NLGN1: variants seen among roughly 807,000 people sequenced by gnomAD.
NLGN1 encodes neuroligin 1.
A neutral mutation model predicts 65.5 loss-of-function variants in NLGN1; 12 were observed. The ratio of observed to expected loss-of-function variants is 0.18; its 90% CI spans 0.12 to 0.30. The LOEUF (loss-of-function observed/expected upper bound fraction) is 0.30, where lower values mean the gene tolerates loss of function less well. NLGN1 is among the 10% of genes least tolerant of loss of function. The pLI, the probability that NLGN1 is intolerant of heterozygous loss-of-function variation, is 1.00. For missense variants in NLGN1, 750 were observed against 1,007.1 expected (o/e 0.74, Z 3.46); for synonymous variants, 350 against 359.5 (o/e 0.97, Z 0.30).
intron 1 of NLGN1, among the ~76,000 whole-genome samples, chr3:173,434,543 C>G (rs953505308): frequency 1.3e-5 from 2 of 152,132 alleles, no homozygotes; most frequent in African/African-American, 2.4e-5. Flanking sequence ...TATCATTATT[C>G]AGGGAATACA....
chr3:173,932,839 T>C (rs1219352253), intron 4 of NLGN1, among the ~76,000 whole-genome samples: 4 of 152,144 alleles, frequency 2.6e-5, no homozygotes, highest in Non-Finnish European at 5.9e-5. Context: ...CAGTTAGATG[T>C]GACTCATCCC....
intron 3 of NLGN1, among the ~76,000 whole-genome samples, chr3:173,654,844 G>T (rs1005830222): frequency 1.3e-5 from 2 of 152,114 alleles, no homozygotes; most frequent in African/African-American, 2.4e-5. Context: ...TTGCATAGGA[G>T]GAAAAGAATT....
intron 4 of NLGN1, among the ~76,000 whole-genome samples, chr3:174,245,619 C>T (rs1298326150): frequency 1.3e-5 from 2 of 152,110 alleles, no homozygotes; most frequent in African/African-American, 4.8e-5. Flanking sequence ...AAAATTATCT[C>T]TACAAAGACT....
chr3:173,518,752 T>C (rs927937176), intron 2 of NLGN1, among the ~76,000 whole-genome samples: 1 of 152,044 alleles, frequency 6.6e-6, no homozygotes, highest in Non-Finnish European at 1.5e-5. Context: ...AAGCAGAGTG[T>C]AAAACTTTGA....
chr3:174,002,139 T>C (rs1229107070), intron 4 of NLGN1, among the ~76,000 whole-genome samples: 2 of 152,016 alleles, frequency 1.3e-5, no homozygotes, highest in Admixed American at 1.3e-4. Context: ...AGTATTTTTT[T>C]AATTTTGAGA....
chr3:174,272,356 C>T (rs1749559477), intron 4 of NLGN1, among the ~76,000 whole-genome samples: 1 of 151,674 alleles, frequency 6.6e-6, no homozygotes, highest in Admixed American at 6.6e-5. Context: ...GTATAGAATG[C>T]TGTCAATGTA....
At chr3:173,670,647 G>A (rs1020310324) in intron 3 of NLGN1, among the ~76,000 whole-genome samples, 3 of 152,086 alleles carry the variant, frequency 2.0e-5, no homozygotes, top group Admixed American at 6.5e-5. Context: ...GAACTAATGC[G>A]TGGTTCAGAA....
intron 4 of NLGN1, among the ~76,000 whole-genome samples, chr3:174,006,630 A>C (rs1724459403): frequency 1.3e-5 from 2 of 152,146 alleles, no homozygotes; most frequent in South Asian, 2.1e-4. Context: ...AATAGACCTC[A>C]ATTGTGGACA....
In NLGN1 at chr3:173,887,203, CT is replaced by C. The variant is rs374438156; in HGVS notation, c.646+79372del. 1.3e-3 allele frequency among the ~76,000 whole-genome samples: 196 copies of C among 152,114 alleles called. 1 individual carries two copies. The South Asian group carries it at 0.021, about 16-fold the overall frequency. On this transcript the variant is annotated intron_variant, in intron 4 of 6. Coordinates refer to ENST00000457714, the Ensembl canonical transcript of NLGN1. Reference sequence around the variant, plus strand: ...AGACACCACTGAAGAGTGAAAATATCTACCTTTCTTATTTTCAGGATTTGAT... The same window carrying C: ...AGACACCACTGAAGAGTGAAAATATCACCTTTCTTATTTTCAGGATTTGAT...
chr3:174,137,225 A>G (rs940476369), intron 4 of NLGN1, among the ~76,000 whole-genome samples: 4 of 152,106 alleles, frequency 2.6e-5, no homozygotes, highest in African/African-American at 7.2e-5. Flanking sequence ...TTTCTTGGAT[A>G]TTTCCTGAAA....
intron 4 of NLGN1, among the ~76,000 whole-genome samples, chr3:174,021,666 G>A (rs959471077): frequency 6.6e-6 from 1 of 152,146 alleles, no homozygotes; most frequent in African/African-American, 2.4e-5. Flanking sequence ...CGTGGTTCTA[G>A]CCTTATGTAT....
intron 4 of NLGN1, among the ~76,000 whole-genome samples, chr3:173,917,297 G>A (rs759435081): frequency 2.0e-5 from 3 of 152,036 alleles, no homozygotes; most frequent in South Asian, 2.1e-4. Context: ...ACTTTATCAC[G>A]GGTATTGGAA....
chr3:173,741,090 A>C (rs2150107463), intron 3 of NLGN1, among the ~76,000 whole-genome samples: 1 of 152,288 alleles, frequency 6.6e-6, no homozygotes, highest in East Asian at 1.9e-4. Flanking sequence ...TGATTTAGTC[A>C]ACATTTTATA....
chr3:174,114,545 G>A (rs1715943875), intron 4 of NLGN1, among the ~76,000 whole-genome samples: 1 of 152,062 alleles, frequency 6.6e-6, no homozygotes, highest in South Asian at 2.1e-4. Context: ...ACCCAATCAA[G>A]TCACAAAAAT....
intron 4 of NLGN1, among the ~76,000 whole-genome samples, chr3:174,240,272 T>C (rs1204930926): frequency 2.0e-5 from 3 of 151,844 alleles, no homozygotes; most frequent in Non-Finnish European, 2.9e-5. Context: ...AAAGTTGAAA[T>C]GAAGAGAAAG....
Position 173,415,902 on chromosome 3 carries a change from T to G in NLGN1, c.-390+17415T>G, listed in dbSNP as rs187010714. On this transcript the variant is annotated intron_variant, in intron 1 of 6. Coordinates refer to ENST00000457714, the Ensembl canonical transcript of NLGN1. ...ATTGCAAGGAGTAAATATATATATA[T>G]ATAGAGAGAGAGAGAGGGAGAGAGA... Among the ~76,000 whole-genome samples the G allele has an allele frequency of 1.3e-3, 168 of 130,788 alleles. 2 individuals carry two copies. Among genetic ancestry groups the G allele is most frequent in the African/African-American group, 2.1e-3 (58 of 27,140 alleles). The allele number at this position is 130,788 out of a possible 152,430, so 85.8% of individuals were successfully genotyped here.
chr3:173,569,565 A>G (rs1196612954), intron 2 of NLGN1, among the ~76,000 whole-genome samples: 1 of 148,306 alleles, frequency 6.7e-6, no homozygotes, highest in East Asian at 2.0e-4. Flanking sequence ...TTCTGAAAAT[A>G]TCTGTTTTCT....
chr3:173,546,594 C>A lies in NLGN1; in HGVS notation c.-320-57685C>A, dbSNP rs536157595. On this transcript the variant is annotated intron_variant, in intron 2 of 6. Coordinates refer to ENST00000457714, the Ensembl canonical transcript of NLGN1. Reference sequence around the variant, plus strand: ...GCACATAAATTATATTCCACTAGATCTGAGGTTTCTGAATTTTTCCAGGCT... The same window carrying A: ...GCACATAAATTATATTCCACTAGATATGAGGTTTCTGAATTTTTCCAGGCT... Among the ~76,000 whole-genome samples, 8 of 152,230 alleles carry A rather than the reference C, an allele frequency of 5.3e-5. No homozygotes were observed. The South Asian group carries it at 1.7e-3, about 32-fold the overall frequency.
chr3:174,080,453 G>A (rs572093184), intron 4 of NLGN1, among the ~76,000 whole-genome samples: 4 of 152,296 alleles, frequency 2.6e-5, no homozygotes, highest in East Asian at 1.9e-4. Flanking sequence ...GATCAAGTGC[G>A]TCATTTGACC....
Sources: gnomAD v4.1 joint callset for allele counts (sites outside exome capture counted in the v4.1 genomes callset) on GRCh38, gnomAD v4.1.1 for gene constraint, MANE v1.5 for transcripts, NCBI Gene and HGNC (gene_info 2026-07-23, HGNC 2026-07-21) for gene names.